Variants in RBFOX1 observed in about 807,000 individuals in gnomAD.
The protein encoded by RBFOX1 is RNA binding fox-1 homolog 1, also known as RNA binding protein fox-1 homolog 1.
A neutral mutation model predicts 57.7 loss-of-function variants in RBFOX1; 8 were observed. The observed-to-expected ratio is 0.14, with a 90% confidence interval of 0.08 to 0.25. The LOEUF (loss-of-function observed/expected upper bound fraction) is 0.25, where lower values mean the gene tolerates loss of function less well. RBFOX1 is among the 10% of genes least tolerant of loss of function. The pLI is 1.00. For missense variants in RBFOX1, 611 were observed against 548.5 expected, an observed-to-expected ratio of 1.11 and a Z score of -1.14; for synonymous variants, 326 against 222.4, an observed-to-expected ratio of 1.47 and a Z score of -4.15.
intron 4 of RBFOX1, among the ~76,000 whole-genome samples, chr16:7,447,415 C>T (rs367667594): frequency 5.1e-4 from 66 of 130,020 alleles, no homozygotes; most frequent in African/African-American, 1.6e-3. Flanking sequence ...GCTGGCCAAC[C>T]GAGTGAGTCT....
chr16:7,203,243 A>G (rs567118699), intron 4 of RBFOX1, among the ~76,000 whole-genome samples: 2 of 152,348 alleles, frequency 1.3e-5, no homozygotes, highest in South Asian at 4.1e-4. Flanking sequence ...CGCATGCTTC[A>G]CAAATGAGCC....
At chr16:6,408,438 A>G (rs2093357270) in intron 2 of RBFOX1, among the ~76,000 whole-genome samples, 1 of 152,180 alleles carries the variant, frequency 6.6e-6, no homozygotes, top group African/African-American at 2.4e-5. Context: ...AATTTTCATC[A>G]GGGCGAGTTC....
chr16:6,980,957 C>T (rs151167640), intron 3 of RBFOX1, among the ~76,000 whole-genome samples: 3 of 146,290 alleles, frequency 2.1e-5, no homozygotes, highest in African/African-American at 7.7e-5. Context: ...GCATGAGAAT[C>T]CCTTGAACCT....
At chr16:6,762,906 G>C (rs1049732469) in intron 3 of RBFOX1, among the ~76,000 whole-genome samples, 3 of 152,156 alleles carry the variant, frequency 2.0e-5, no homozygotes, top group African/African-American at 7.2e-5. Flanking sequence ...GAGAATTTCA[G>C]AGAAAGGTAG....
intron 4 of RBFOX1, among the ~76,000 whole-genome samples, chr16:7,457,832 C>T (rs1257071739): frequency 3.9e-5 from 6 of 152,070 alleles, no homozygotes; most frequent in African/African-American, 1.2e-4. Flanking sequence ...AAAAAAATAG[C>T]ATCTTTGATA....
intron 5 of RBFOX1, among the ~76,000 whole-genome samples, chr16:7,574,873 A>G (rs778992299): frequency 6.6e-6 from 1 of 152,026 alleles, no homozygotes; most frequent in East Asian, 1.9e-4. Flanking sequence ...CTTTGAGGCC[A>G]CTCATCTTGA....
At chr16:7,133,682 ATTGT>A (rs1375002940) in intron 4 of RBFOX1, among the ~76,000 whole-genome samples, 1 of 152,198 alleles carries the variant, frequency 6.6e-6, no homozygotes, top group Non-Finnish European at 1.5e-5. Context: ...AAAAAAATTA[ATTGT>A]TTATTTAATA....
Position 7,385,923 on chromosome 16 carries a change from TTTA to T in RBFOX1, c.28-132221_28-132219del, listed in dbSNP as rs1568551519. 4.6e-3 allele frequency among the ~76,000 whole-genome samples: 546 copies of T among 119,996 alleles called. 3 individuals are homozygous for T. The highest frequency in any genetic ancestry group is 0.012 in the African/African-American group (405 of 33,808). 78.7% of individuals were successfully genotyped at this position (119,996 alleles called of 152,430 possible). A position where few individuals can be genotyped will look rare whatever the true frequency, so the allele number is the denominator to read the frequency against. The stretch of plus-strand genomic sequence containing the variant: ...ACATGCCACCATGCCCAGTTACTTA[TTTA>T]TTTATTTATTTATTTATTTATTTAT... On this transcript the variant is annotated intron_variant, in intron 4 of 15. Transcript: ENST00000550418.
intron 4 of RBFOX1, among the ~76,000 whole-genome samples, chr16:5,989,092 G>A (rs1218803196): frequency 2.0e-5 from 3 of 151,744 alleles, no homozygotes; most frequent in Admixed American, 6.6e-5. Context: ...AGGCCGAGGC[G>A]GGTGGATCAC....
chr16:7,686,411 T>G (rs1157071037), intron 14 of RBFOX1, among the ~76,000 whole-genome samples: 2 of 152,062 alleles, frequency 1.3e-5, no homozygotes, highest in African/African-American at 4.8e-5. Flanking sequence ...TGGATCAGCT[T>G]AGGCCACCAC....
At chr16:5,529,603 G>T (rs544954398) in intron 2 of RBFOX1, among the ~76,000 whole-genome samples, 21 of 147,172 alleles carry the variant, frequency 1.4e-4, no homozygotes, top group Non-Finnish European at 2.8e-4. Flanking sequence ...TTTTGCTCTT[G>T]TTGCTCAAGC....
chr16:6,306,065 C>G lies in RBFOX1; in HGVS notation c.-126-10930C>G, dbSNP rs150915879. ...ATATTTAAAGCGCGTTGGTTTTGCT[C>G]TAGGCACTCTGTTGAGTGCAGAGTA... On this transcript the variant is annotated intron_variant, in intron 1 of 15. Coordinates refer to ENST00000550418, the MANE Select transcript of RBFOX1 (RefSeq NM_018723.4). Among the ~76,000 whole-genome samples, 1,295 of 152,256 alleles carry G rather than the reference C, an allele frequency of 8.5e-3. 24 individuals carry two copies. The highest frequency in any genetic ancestry group is 0.029 in the African/African-American group (1,201 of 41,548).
intron 3 of RBFOX1, among the ~76,000 whole-genome samples, chr16:6,770,416 T>C (rs1317110522): frequency 1.3e-5 from 2 of 152,192 alleles, no homozygotes; most frequent in Non-Finnish European, 2.9e-5. Context: ...GTAATAAAGT[T>C]GTATTATGTA....
intron 4 of RBFOX1, among the ~76,000 whole-genome samples, chr16:7,073,744 T>A (rs1376739447): frequency 6.6e-6 from 1 of 152,046 alleles, no homozygotes; most frequent in Non-Finnish European, 1.5e-5. Context: ...ATGCCCTTGG[T>A]ACCAGTTACT....
intron 3 of RBFOX1, among the ~76,000 whole-genome samples, chr16:6,929,780 A>C (rs1173824441): frequency 6.6e-6 from 1 of 152,190 alleles, no homozygotes; most frequent in Non-Finnish European, 1.5e-5. Flanking sequence ...AATATCCTGT[A>C]GCTTTTTTTA....
chr16:7,198,459 A>C (rs1293397422), intron 4 of RBFOX1, among the ~76,000 whole-genome samples: 3 of 152,360 alleles, frequency 2.0e-5, no homozygotes, highest in African/African-American at 4.8e-5. Flanking sequence ...CTCCATTGCA[A>C]AAGAGATAAA....
In RBFOX1 at chr16:5,814,307, C is replaced by T. The variant is rs2055542123; in HGVS notation, c.319-52996C>T. Among the ~76,000 whole-genome samples, 3 of 152,190 alleles carry T rather than the reference C, an allele frequency of 2.0e-5. No individual in the cohort carries two copies. In the South Asian group the frequency reaches 6.2e-4, roughly 32 times the overall value. On this transcript the variant is annotated intron_variant, in intron 3 of 19. Transcript: ENST00000641259. ...GAAGAAGTGACAAAGGGATTGTACT[C>T]TGTAAAAGAATATAAAAATAAATTC...
intron 2 of RBFOX1, among the ~76,000 whole-genome samples, chr16:6,616,548 C>T (rs111758956): frequency 6.6e-5 from 10 of 152,192 alleles, no homozygotes; most frequent in East Asian, 3.9e-4. Flanking sequence ...TGGTGGCGGG[C>T]GTCTGTAGTC....
chr16:5,325,383 G>C (rs2064539941), intron 1 of RBFOX1, among the ~76,000 whole-genome samples: 1 of 152,182 alleles, frequency 6.6e-6, no homozygotes, highest in African/African-American at 2.4e-5. Context: ...ACAGTTGTGT[G>C]AAAACTAAAT....
Sources: allele counts gnomAD v4.1 joint callset (sites outside exome capture counted in the v4.1 genomes callset), GRCh38; gene constraint gnomAD v4.1.1; transcripts MANE v1.5; gene names NCBI Gene and HGNC (gene_info 2026-07-23, HGNC 2026-07-21).